TDRD5: variants seen among roughly 807,000 people sequenced by gnomAD.
The protein encoded by TDRD5 is tudor domain-containing protein 5.
A neutral mutation model predicts 120.6 loss-of-function variants in TDRD5; 41 were observed. The ratio of observed to expected loss-of-function variants is 0.34; its 90% confidence interval spans 0.26 to 0.44. The LOEUF (loss-of-function observed/expected upper bound fraction) is 0.44. Among genes scored for constraint, TDRD5 ranks in the 20% least tolerant of loss-of-function variants. TDRD5 has a pLI of 1.00. For synonymous variants in TDRD5, 430 were observed against 433.7 expected (o/e 0.99, Z 0.11); for missense variants, 1,006 against 1,221.2 (o/e 0.82, Z 2.63).
intron 17 of TDRD5, among the ~76,000 whole-genome samples, chr1:179,670,379 G>GT (rs1222799252): frequency 2.7e-5 from 4 of 149,962 alleles, no homozygotes; most frequent in African/African-American, 9.8e-5. Context: ...GTGACAGAGT[G>GT]AGACTCCGTC....
chr1:179,687,274 T>G (rs993354503), intron 17 of TDRD5, among the ~76,000 whole-genome samples: 19 of 152,346 alleles, frequency 1.2e-4, no homozygotes, highest in African/African-American at 3.4e-4. Flanking sequence ...AAGAACATCT[T>G]TATTTCTGCC....
chr1:179,620,280 C>T (rs1676774334), intron 5 of TDRD5, among the ~76,000 whole-genome samples: 1 of 151,848 alleles, frequency 6.6e-6, no homozygotes, highest in Non-Finnish European at 1.5e-5. Context: ...TAAAATATAT[C>T]TGGAAAAATT....
chr1:179,685,068 T>A (rs1358623657), intron 17 of TDRD5, among the ~76,000 whole-genome samples: 1 of 152,228 alleles, frequency 6.6e-6, no homozygotes, highest in African/African-American at 2.4e-5. Flanking sequence ...ATTTGTCAAT[T>A]TTGGCTTTTG....
At chr1:179,635,643 T>A (rs1311103202) in intron 8 of TDRD5, 24 bp from the exon 9 acceptor site, 7 of 1,601,134 alleles carry the variant, frequency 4.4e-6, no homozygotes, top group South Asian at 1.1e-5. Context: ...AAGAGATTTT[T>A]AATTTTTTTT....
intron 11 of TDRD5, among the ~76,000 whole-genome samples, chr1:179,648,278 T>C (rs1344372480): frequency 6.8e-6 from 1 of 146,334 alleles, no homozygotes; most frequent in Admixed American, 7.0e-5. Flanking sequence ...TAAAAAATGA[T>C]GAGTTCATGT....
Position 179,669,468 on chromosome 1 carries a change from A to G in TDRD5, c.2860+64A>G. 4.5e-6 allele frequency: 7 copies of G among 1,572,998 alleles called. No individual in the cohort carries two copies. The South Asian group carries it at 7.9e-5, about 18-fold the overall frequency. The stretch of plus-strand genomic sequence containing the variant: ...AACATGATGGTTTGCCATGTTGCTA[A>G]AACAAACCTTCATTTATCCCTTGCA... On this transcript the variant is annotated intron_variant, in intron 17 of 17. Coordinates refer to ENST00000444136, the MANE Select transcript of TDRD5 (RefSeq NM_001199085.3).
chr1:179,621,207 T>C, intron 6 of TDRD5, 116 bp downstream of exon 6: 1 of 827,488 alleles, frequency 1.2e-6, no homozygotes, highest in Non-Finnish European at 1.8e-6. Flanking sequence ...AACGGAAACA[T>C]TTTGTTTTGC....
intron 17 of TDRD5, among the ~76,000 whole-genome samples, chr1:179,680,539 A>G (rs1680367089): frequency 6.6e-6 from 1 of 152,196 alleles, no homozygotes; most frequent in Non-Finnish European, 1.5e-5. Context: ...TTTATCCTTC[A>G]TAATATTCTT....
intron 15 of TDRD5, 95 bp from the exon 16 acceptor site, chr1:179,663,251 ATG>A: frequency 8.1e-6 from 11 of 1,356,766 alleles, no homozygotes; most frequent in Non-Finnish European, 1.1e-5. Context: ...TTTTAAAAAT[ATG>A]TATTGCTTTC....
chr1:179,599,661 A>G (rs372787848), intron 4 of TDRD5, among the ~76,000 whole-genome samples: 1 of 151,990 alleles, frequency 6.6e-6, no homozygotes, highest in Non-Finnish European at 1.5e-5. Flanking sequence ...TAAGGTCTTT[A>G]GGGTCTGTGA....
chr1:179,657,203 A>G (rs1474124430), intron 14 of TDRD5, among the ~76,000 whole-genome samples: 2 of 152,156 alleles, frequency 1.3e-5, no homozygotes, highest in African/African-American at 2.4e-5. Context: ...GTTGTGTTAT[A>G]TATATAGATA....
At position 179,634,556 on chromosome 1, in the gene TDRD5, C is replaced by T. The variant is rs564633267; in HGVS notation, c.1226C>T (p.Pro409Leu). The change falls in exon 8 of 18, where the codon CCT becomes CTT. Residue 409 changes from proline (P) to leucine (L), a missense_variant. Pro to Leu is a moderately conservative substitution (Grantham distance 98, BLOSUM62 -3). This residue lies in a region of TDRD5 where 445 missense variants were observed against 515.5 expected (regional missense o/e 0.86). Coordinates refer to ENST00000444136, the MANE Select transcript of TDRD5 (RefSeq NM_001199085.3). ...AAVKETVWNC[P>L]SKKQKEPQQK... ...GTCAAAGAGACTGTATGGAATTGCC[C>T]TTCAAAAAAACAAAAAGAGCCACAA... 2.5e-6 allele frequency: 4 copies of T among 1,613,552 alleles called. No homozygotes were observed. In the South Asian group the frequency reaches 4.4e-5, roughly 18 times the overall value.
At chr1:179,631,127 C>T (rs932397039) in intron 7 of TDRD5, among the ~76,000 whole-genome samples, 2 of 152,210 alleles carry the variant, frequency 1.3e-5, no homozygotes, top group African/African-American at 2.4e-5. Flanking sequence ...TGCAGTGGCT[C>T]ATGCCTATAA....
intron 4 of TDRD5, among the ~76,000 whole-genome samples, chr1:179,612,320 A>G (rs1676325248): frequency 6.6e-6 from 1 of 152,180 alleles, no homozygotes; most frequent in Non-Finnish European, 1.5e-5. Flanking sequence ...GCTTTATTTC[A>G]CAAAGCAATG....
At chr1:179,690,511 C>A (rs1294744953) in intron 17 of TDRD5, among the ~76,000 whole-genome samples, 185 bp from the exon 18 acceptor site, 1 of 152,222 alleles carries the variant, frequency 6.6e-6, no homozygotes, top group African/African-American at 2.4e-5. Flanking sequence ...ATTCATGATT[C>A]CCCATTTCCT....
At chr1:179,680,113 G>A (rs1209278322) in intron 17 of TDRD5, among the ~76,000 whole-genome samples, 2 of 151,918 alleles carry the variant, frequency 1.3e-5, no homozygotes, top group African/African-American at 4.8e-5. Flanking sequence ...ACATACTTGG[G>A]GGTTTTCCAG....
intron 4 of TDRD5, among the ~76,000 whole-genome samples, chr1:179,601,124 CATTG>C (rs1447959984): frequency 9.8e-6 from 1 of 101,742 alleles, no homozygotes; most frequent in Non-Finnish European, 2.0e-5. Flanking sequence ...TCAGTTATGT[CATTG>C]ATTTCTTTTT....
intron 4 of TDRD5, among the ~76,000 whole-genome samples, chr1:179,616,204 C>A (rs867120759): frequency 5.9e-5 from 9 of 152,230 alleles, no homozygotes; most frequent in Middle Eastern, 6.8e-3. Flanking sequence ...ATTTACCTCC[C>A]AGTTTTCCAA....
chr1:179,593,317 C>T (rs1675215890), intron 2 of TDRD5, 143 bp from the exon 3 acceptor site: 4 of 924,174 alleles, frequency 4.3e-6, no homozygotes, highest in Non-Finnish European at 6.2e-6. Flanking sequence ...TGCAAGAAAT[C>T]GAGGAACCAA....
Sources: allele counts gnomAD v4.1 joint callset (sites outside exome capture counted in the v4.1 genomes callset), GRCh38; gene constraint gnomAD v4.1.1; regional missense constraint gnomAD v4.1.1; transcripts MANE v1.5; gene names NCBI Gene and HGNC (gene_info 2026-07-23, HGNC 2026-07-21).